The following LRRC4C variants were observed in gnomAD, a reference collection of about 807,000 sequenced individuals.
The protein encoded by LRRC4C is leucine rich repeat containing 4C.
Under a neutral mutation model 33.6 loss-of-function variants are expected in LRRC4C, and 5 were observed. That is an observed-to-expected ratio of 0.15 (90% CI 0.08 to 0.31). The LOEUF is 0.31. Ranked by LOEUF, LRRC4C falls within the 10% of genes least tolerant of loss-of-function variation. LRRC4C has a pLI of 1.00. For missense variants in LRRC4C, 560 were observed against 796.7 expected, an observed-to-expected ratio of 0.70 and a Z score of 3.58; for synonymous variants, 329 against 302.0, an observed-to-expected ratio of 1.09 and a Z score of -0.93.
At chr11:40,450,039 C>T (rs191530352) in intron 3 of LRRC4C, among the ~76,000 whole-genome samples, 153 of 152,074 alleles carry the variant, frequency 1.0e-3, no homozygotes, top group African/African-American at 3.6e-3. Context: ...TTTTTTAATG[C>T]TCCACTAGCT....
intron 2 of LRRC4C, among the ~76,000 whole-genome samples, chr11:40,891,173 G>C: frequency 6.6e-6 from 1 of 152,102 alleles, no homozygotes; most frequent in Non-Finnish European, 1.5e-5. Context: ...GGAGGCGGAG[G>C]TTGCAGTGAG....
intron 1 of LRRC4C, among the ~76,000 whole-genome samples, chr11:41,063,997 G>A (rs1163978241): frequency 6.6e-6 from 1 of 152,140 alleles, no homozygotes; most frequent in Non-Finnish European, 1.5e-5. Flanking sequence ...AAAGGGGACA[G>A]CAAAGATGAC....
At chr11:40,249,982 G>T (rs889759272) in intron 4 of LRRC4C, among the ~76,000 whole-genome samples, 1 of 145,704 alleles carries the variant, frequency 6.9e-6, no homozygotes, top group Non-Finnish European at 1.5e-5. Flanking sequence ...GTTAAGCCCT[G>T]GAGACTGTCG....
At chr11:40,912,517 G>A (rs1295053876) in intron 2 of LRRC4C, among the ~76,000 whole-genome samples, 3 of 152,260 alleles carry the variant, frequency 2.0e-5, no homozygotes, top group East Asian at 1.9e-4. Context: ...GTCACCACCA[G>A]GCCTGCCCTA....
intron 1 of LRRC4C, among the ~76,000 whole-genome samples, chr11:41,045,666 T>G (rs1391825891): frequency 2.6e-5 from 4 of 152,064 alleles, no homozygotes; most frequent in African/African-American, 9.7e-5. Context: ...GCCCAAAGAT[T>G]CCCCATCTAG....
rs571226397 is a variant in LRRC4C, at chr11:40,238,129, C to T, written c.-96+3390G>A. Among the ~76,000 whole-genome samples, 8 of 152,234 alleles carry T rather than the reference C, an allele frequency of 5.3e-5. No individual in the cohort carries two copies. The South Asian group carries it at 6.2e-4, about 12-fold the overall frequency. ...GCTATTGGTGTTCTTAAGAGAATAT[C>T]TTCCAAGGGTAGGCAACAAAAGAGA... On this transcript the variant is annotated intron_variant, in intron 5 of 6. Transcript: ENST00000528697.
intron 1 of LRRC4C, among the ~76,000 whole-genome samples, chr11:41,237,948 T>A (rs1948093664): frequency 6.6e-6 from 1 of 152,176 alleles, no homozygotes; most frequent in South Asian, 2.1e-4. Context: ...TTACCTCTGT[T>A]TCTTTGCTAC....
intron 1 of LRRC4C, among the ~76,000 whole-genome samples, chr11:41,299,160 T>C (rs944040588): frequency 4.6e-5 from 7 of 152,166 alleles, no homozygotes; most frequent in Non-Finnish European, 8.8e-5. Flanking sequence ...GTGGGATTAT[T>C]GGATCAGATA....
At chr11:40,943,610 C>T (rs1355389101) in intron 1 of LRRC4C, among the ~76,000 whole-genome samples, 2 of 152,164 alleles carry the variant, frequency 1.3e-5, no homozygotes, top group Non-Finnish European at 2.9e-5. Context: ...AGCCACCACA[C>T]AGATTCTAAT....
intron 6 of LRRC4C, among the ~76,000 whole-genome samples, chr11:40,134,704 A>T (rs1468853032): frequency 6.6e-6 from 1 of 152,202 alleles, no homozygotes. Flanking sequence ...TGATTTATCT[A>T]TCTCTGCTCT....
chr11:40,842,472 T>C (rs1251858276), intron 2 of LRRC4C, among the ~76,000 whole-genome samples: 1 of 152,170 alleles, frequency 6.6e-6, no homozygotes, highest in African/African-American at 2.4e-5. Context: ...TAAATGTGTA[T>C]ACATTGTAGA....
intron 5 of LRRC4C, among the ~76,000 whole-genome samples, chr11:40,161,456 T>C (rs931022304): frequency 6.6e-6 from 1 of 152,192 alleles, no homozygotes; most frequent in African/African-American, 2.4e-5. Flanking sequence ...TTAGGAGTTA[T>C]TTGAAAATTA....
At chr11:40,732,609 A>G (rs558269168) in intron 2 of LRRC4C, among the ~76,000 whole-genome samples, 1 of 152,338 alleles carries the variant, frequency 6.6e-6, no homozygotes, top group East Asian at 1.9e-4. Flanking sequence ...TGTGATATCT[A>G]TTCTATGCAT....
At chr11:41,305,029 CCG>C in intron 1 of LRRC4C, among the ~76,000 whole-genome samples, 1 of 61,640 alleles carries the variant, frequency 1.6e-5, no homozygotes, top group African/African-American at 5.4e-5. Flanking sequence ...GCCAGCCGCC[CCG>C]TCCGGGAGGG....
intron 2 of LRRC4C, among the ~76,000 whole-genome samples, chr11:40,741,867 G>T (rs1452120535): frequency 6.6e-6 from 1 of 151,824 alleles, no homozygotes; most frequent in East Asian, 1.9e-4. Context: ...TATAAACATT[G>T]GTTTTAATAG....
chr11:40,601,976 G>T (rs2861991), intron 3 of LRRC4C, among the ~76,000 whole-genome samples: 68,794 of 151,358 alleles, frequency 0.45, 16,746 homozygotes, highest in Middle Eastern at 0.59. Context: ...AGAACACGAG[G>T]TCAGGAGATT....
intron 2 of LRRC4C, among the ~76,000 whole-genome samples, chr11:40,899,795 C>A (rs1592033152): frequency 6.6e-6 from 1 of 152,230 alleles, no homozygotes; most frequent in East Asian, 1.9e-4. Flanking sequence ...TCAAGAGAAA[C>A]TGGTAGATCA....
At chr11:40,590,731 C>T (rs1372959097) in intron 3 of LRRC4C, among the ~76,000 whole-genome samples, 2 of 141,478 alleles carry the variant, frequency 1.4e-5, no homozygotes, top group East Asian at 4.4e-4. Context: ...GTTGGAGTAC[C>T]CTGCCATGTG....
At chr11:40,586,426 C>T (rs1225053417) in intron 3 of LRRC4C, among the ~76,000 whole-genome samples, 147 of 147,624 alleles carry the variant, frequency 1.0e-3, no homozygotes, top group Middle Eastern at 3.4e-3. Context: ...TTGTAGGTTG[C>T]CTGTTCACTC....
Sources: gnomAD v4.1 joint callset for allele counts (sites outside exome capture counted in the v4.1 genomes callset) on GRCh38, gnomAD v4.1.1 for gene constraint, MANE v1.5 for transcripts, NCBI Gene and HGNC (gene_info 2026-07-23, HGNC 2026-07-21) for gene names.